CSMD1: variants seen among roughly 807,000 people sequenced by gnomAD.
CSMD1 encodes the protein CUB and Sushi multiple domains 1, also known as CUB and sushi domain-containing protein 1.
A neutral mutation model predicts 417.5 loss-of-function variants in CSMD1; 213 were observed. That is an observed-to-expected ratio of 0.51 (90% CI 0.46 to 0.57). The LOEUF (loss-of-function observed/expected upper bound fraction) is 0.57, where lower values mean the gene tolerates loss of function less well. CSMD1 is among the 20% of genes least tolerant of loss of function. The pLI is 0.00. For missense variants in CSMD1, 6,923 were observed against 4,529.7 expected, an observed-to-expected ratio of 1.53 and a Z score of -15.17; for synonymous variants, 2,862 against 1,736.8, an observed-to-expected ratio of 1.65 and a Z score of -16.11.
In CSMD1 at chr8:4,306,765, C is replaced by G. The variant is rs939203588; in HGVS notation, c.415+113188G>C. Among the ~76,000 whole-genome samples, 12 of 152,062 alleles carry G rather than the reference C, an allele frequency of 7.9e-5. No individual in the cohort carries two copies. In the South Asian group the frequency reaches 2.1e-3, roughly 26 times the overall value. ...ACCGCAGCAGGGTAGTGTTCTGGTG[C>G]GAGTCCACAGATCAGCCCTTCTTTC... On this transcript the variant is annotated intron_variant, in intron 3 of 69. Coordinates refer to ENST00000635120, the MANE Select transcript of CSMD1 (RefSeq NM_033225.6).
chr8:4,595,184 G>A (rs1478800721), intron 2 of CSMD1, among the ~76,000 whole-genome samples: 1 of 151,798 alleles, frequency 6.6e-6, no homozygotes, highest in Admixed American at 6.6e-5. Context: ...ATTAATTGCA[G>A]AAACATCCTA....
At chr8:3,788,290 A>C (rs923976031) in intron 5 of CSMD1, among the ~76,000 whole-genome samples, 1 of 152,194 alleles carries the variant, frequency 6.6e-6, no homozygotes, top group Non-Finnish European at 1.5e-5. Flanking sequence ...GAACTTTTTC[A>C]TAGCATTTTA....
chr8:4,045,926 C>G (rs1415591713), intron 3 of CSMD1, among the ~76,000 whole-genome samples: 1 of 151,738 alleles, frequency 6.6e-6, no homozygotes, highest in African/African-American at 2.4e-5. Context: ...TACATATTTT[C>G]TGGAAAAATA....
Position 4,235,982 on chromosome 8 carries a change from G to A in CSMD1, c.415+183971C>T, listed in dbSNP as rs117806248. ...GCCAAAATGCTAAGCTACCTAGCAAGTGATTCGTGATAATCACTGTGAGCA... is the reference window on the plus strand; with the variant it reads ...GCCAAAATGCTAAGCTACCTAGCAAATGATTCGTGATAATCACTGTGAGCA... On this transcript the variant is annotated intron_variant, in intron 3 of 69. Coordinates refer to ENST00000635120, the MANE Select transcript of CSMD1 (RefSeq NM_033225.6). Among the ~76,000 whole-genome samples, 980 of 146,580 alleles carry A rather than the reference G, an allele frequency of 6.7e-3. 46 individuals are homozygous for A. The highest frequency in any genetic ancestry group is 0.059 in the Admixed American group (871 of 14,684).
At chr8:4,244,503 G>C (rs1196510308) in intron 3 of CSMD1, among the ~76,000 whole-genome samples, 1 of 152,108 alleles carries the variant, frequency 6.6e-6, no homozygotes, top group African/African-American at 2.4e-5. Context: ...AAAATAGTTT[G>C]AAGAGTGTTA....
intron 3 of CSMD1, among the ~76,000 whole-genome samples, chr8:4,364,355 A>G (rs763068983): frequency 1.3e-5 from 2 of 152,188 alleles, no homozygotes; most frequent in African/African-American, 4.8e-5. Context: ...CTTACCTAAG[A>G]AAACAGCTTT....
intron 2 of CSMD1, among the ~76,000 whole-genome samples, chr8:4,552,680 A>C (rs1797925442): frequency 6.6e-6 from 1 of 152,146 alleles, no homozygotes; most frequent in Non-Finnish European, 1.5e-5. Context: ...GATCTTAATG[A>C]GATGGGTCTA....
chr8:3,912,837 C>G (rs1001126625), intron 5 of CSMD1, among the ~76,000 whole-genome samples: 1 of 152,086 alleles, frequency 6.6e-6, no homozygotes. Context: ...AAATTATATT[C>G]TGTTGAGAGT....
At chr8:3,681,505 G>A (rs1308844305) in intron 7 of CSMD1, among the ~76,000 whole-genome samples, 1 of 152,138 alleles carries the variant, frequency 6.6e-6, no homozygotes, top group Non-Finnish European at 1.5e-5. Context: ...CCTCTTCAAG[G>A]AGAATTACAA....
chr8:2,971,481 G>A (rs548508459), intron 57 of CSMD1, among the ~76,000 whole-genome samples: 2 of 152,252 alleles, frequency 1.3e-5, no homozygotes, highest in East Asian at 1.9e-4. Context: ...TTCAGGACTC[G>A]ATTCAGGTTA....
At chr8:4,264,553 G>C (rs1012645874) in intron 3 of CSMD1, among the ~76,000 whole-genome samples, 14 of 152,082 alleles carry the variant, frequency 9.2e-5, no homozygotes, top group African/African-American at 3.4e-4. Flanking sequence ...CTGTTTTTAA[G>C]GGTTAGCAAG....
At chr8:4,941,804 G>T (rs1808022118) in intron 1 of CSMD1, among the ~76,000 whole-genome samples, 1 of 151,974 alleles carries the variant, frequency 6.6e-6, no homozygotes, top group Non-Finnish European at 1.5e-5. Flanking sequence ...TCCCCATGTT[G>T]CCCAGGATGG....
chr8:3,431,246 C>T (rs1814200613), intron 12 of CSMD1, among the ~76,000 whole-genome samples: 1 of 152,154 alleles, frequency 6.6e-6, no homozygotes, highest in South Asian at 2.1e-4. Context: ...ACTCCCCATC[C>T]CTCACCTTCC....
chr8:3,291,199 T>C (rs1803531254), intron 25 of CSMD1, among the ~76,000 whole-genome samples: 1 of 152,160 alleles, frequency 6.6e-6, no homozygotes, highest in Non-Finnish European at 1.5e-5. Context: ...TGGATAAACT[T>C]TTTGATGTAT....
Position 4,673,155 on chromosome 8 carries a change from G to C in CSMD1, c.86-35597C>G, listed in dbSNP as rs139430501. Among the ~76,000 whole-genome samples the C allele has an allele frequency of 3.0e-3, 450 of 152,210 alleles. 2 individuals carry two copies. The highest frequency in any genetic ancestry group is 0.01 in the African/African-American group (431 of 41,544). ...ACTGAGGACATTGAGGGGAAAAAGG[G>C]ATTCTATGGAAGGAAAAAGAAAGAA... On this transcript the variant is annotated intron_variant, in intron 1 of 69. Coordinates refer to ENST00000635120, the MANE Select transcript of CSMD1 (RefSeq NM_033225.6).
At chr8:3,827,380 C>T (rs11993142) in intron 5 of CSMD1, among the ~76,000 whole-genome samples, 1,556 of 152,178 alleles carry the variant, frequency 0.01, 27 homozygotes, top group African/African-American at 0.035. Context: ...GTTTCAGTAC[C>T]ACCTGTACTT....
intron 10 of CSMD1, among the ~76,000 whole-genome samples, chr8:3,515,860 GGGGA>G (rs1212181839): frequency 6.6e-6 from 1 of 152,208 alleles, no homozygotes; most frequent in Non-Finnish European, 1.5e-5. Context: ...ACTTCAGCGT[GGGGA>G]AAATTAACTT....
chr8:4,553,812 C>T (rs1353001685), intron 2 of CSMD1, among the ~76,000 whole-genome samples: 1 of 152,168 alleles, frequency 6.6e-6, no homozygotes, highest in African/African-American at 2.4e-5. Context: ...TCTGGATCAT[C>T]TATTTACAAG....
intron 3 of CSMD1, among the ~76,000 whole-genome samples, chr8:4,231,679 G>T: frequency 6.6e-6 from 1 of 152,096 alleles, no homozygotes; most frequent in Non-Finnish European, 1.5e-5. Flanking sequence ...ACAAGCTGTG[G>T]GCTTATGACT....
Sources: allele counts gnomAD v4.1 joint callset (sites outside exome capture counted in the v4.1 genomes callset), GRCh38; gene constraint gnomAD v4.1.1; transcripts MANE v1.5; gene names NCBI Gene and HGNC (gene_info 2026-07-23, HGNC 2026-07-21).